ACVR1C: variants seen among roughly 807,000 people sequenced by gnomAD.
ACVR1C encodes the protein activin A receptor type 1C.
A neutral mutation model predicts 57.9 loss-of-function variants in ACVR1C; 23 were observed. The observed-to-expected ratio is 0.40, with a 90% CI of 0.29 to 0.56. The LOEUF (loss-of-function observed/expected upper bound fraction) is 0.56. Among genes scored for constraint, ACVR1C ranks in the 20% least tolerant of loss-of-function variants. ACVR1C has a pLI of 0.50. For missense variants in ACVR1C, 480 were observed against 607.9 expected (o/e 0.79, Z 2.21); for synonymous variants, 214 against 215.3 (o/e 0.99, Z 0.05).
intron 3 of ACVR1C, among the ~76,000 whole-genome samples, chr2:157,554,547 C>G (rs901331778): frequency 3.3e-5 from 5 of 152,076 alleles, no homozygotes; most frequent in African/African-American, 1.2e-4. Context: ...AAGATGCTAC[C>G]TAATGTGTAC....
At position 157,550,998 on chromosome 2, in the gene ACVR1C, A is replaced by C. The variant is rs1368380329; in HGVS notation, c.545-606T>G. On this transcript the variant is annotated intron_variant, in intron 3 of 8. Coordinates refer to ENST00000243349, the MANE Select transcript of ACVR1C (RefSeq NM_145259.3). The stretch of plus-strand genomic sequence containing the variant: ...TCCTGAATGTATGTATAACGCTTAT[A>C]TTCTTTGAACTACTAACTCCACCTC... 2.6e-5 allele frequency among the ~76,000 whole-genome samples: 4 copies of C among 152,352 alleles called. No individual in the cohort carries two copies. The South Asian group carries it at 6.2e-4, about 24-fold the overall frequency.
intron 3 of ACVR1C, among the ~76,000 whole-genome samples, chr2:157,551,964 C>T (rs1687934620): frequency 1.3e-5 from 2 of 152,160 alleles, no homozygotes; most frequent in South Asian, 4.1e-4. Context: ...CTGGTTCAAC[C>T]CTATCATTTT....
At chr2:157,628,492 TC>T in intron 1 of ACVR1C, 79 bp downstream of exon 1, 1 of 1,477,236 alleles carries the variant, frequency 6.8e-7, no homozygotes, top group Non-Finnish European at 9.3e-7. Flanking sequence ...GCACCCCCTG[TC>T]CCCCACCCCC....
chr2:157,581,103 G>A (rs549142336), intron 2 of ACVR1C, among the ~76,000 whole-genome samples: 1 of 152,120 alleles, frequency 6.6e-6, no homozygotes, highest in Admixed American at 6.5e-5. Flanking sequence ...CACCCCCCAA[G>A]AAGCTGGCAG....
At chr2:157,609,286 C>T (rs762211961) in intron 1 of ACVR1C, among the ~76,000 whole-genome samples, 17 of 151,530 alleles carry the variant, frequency 1.1e-4, no homozygotes, top group Non-Finnish European at 1.8e-4. Flanking sequence ...TCCAAATTTC[C>T]TCTTGGTATT....
intron 1 of ACVR1C, among the ~76,000 whole-genome samples, chr2:157,609,853 T>C (rs1458203903): frequency 6.6e-6 from 1 of 152,024 alleles, no homozygotes; most frequent in Non-Finnish European, 1.5e-5. Flanking sequence ...GGGTCTTTAC[T>C]GGTAAACTGC....
At chr2:157,556,807 G>A (rs1406716238) in intron 2 of ACVR1C, among the ~76,000 whole-genome samples, 1 of 151,802 alleles carries the variant, frequency 6.6e-6, no homozygotes, top group East Asian at 1.9e-4. Flanking sequence ...GAGATTACAG[G>A]TGCCCACCAC....
chr2:157,547,279 T>G (rs62176677), intron 4 of ACVR1C, among the ~76,000 whole-genome samples: 2 of 95,330 alleles, frequency 2.1e-5, no homozygotes, highest in Non-Finnish European at 4.7e-5. Context: ...AATAAACACA[T>G]GTGTGCATGT....
At chr2:157,539,050 G>A (rs1687558721) in intron 7 of ACVR1C, among the ~76,000 whole-genome samples, 1 of 150,360 alleles carries the variant, frequency 6.7e-6, no homozygotes, top group Non-Finnish European at 1.5e-5. Context: ...TTAAAATTAT[G>A]TAAATTTTTA....
At chr2:157,575,231 C>CG (rs35047968) in intron 2 of ACVR1C, among the ~76,000 whole-genome samples, 49,866 of 151,532 alleles carry the variant, frequency 0.33, 8,681 homozygotes, top group Non-Finnish European at 0.4. Context: ...CGGGTTCAAG[C>CG]GATTCTCCTG....
intron 1 of ACVR1C, among the ~76,000 whole-genome samples, chr2:157,603,452 G>A (rs1682324999): frequency 6.6e-6 from 1 of 152,104 alleles, no homozygotes; most frequent in Non-Finnish European, 1.5e-5. Context: ...ATGATCCTCT[G>A]TAGAGACTGC....
intron 2 of ACVR1C, among the ~76,000 whole-genome samples, chr2:157,566,672 C>A (rs1263986769): frequency 4.0e-5 from 6 of 151,654 alleles, no homozygotes; most frequent in African/African-American, 1.5e-4. Context: ...AAACGGCGCA[C>A]CACGAGACTA....
At chr2:157,611,806 C>A (rs1369009878) in intron 1 of ACVR1C, among the ~76,000 whole-genome samples, 1 of 152,084 alleles carries the variant, frequency 6.6e-6, no homozygotes, top group African/African-American at 2.4e-5. Context: ...GATCCAGATT[C>A]TCAGGCAGCA....
Position 157,534,047 on chromosome 2 carries a change from T to G in ACVR1C, c.1357-4A>C. ...TTCTCCCCATGACTCGGAGTGCCTT[T>G]AAGAGAGAAAAAAAAAATCAAAGAC... On this transcript the variant is annotated splice_polypyrimidine_tract_variant and splice_region_variant and intron_variant, in intron 8 of 8. Transcript: ENST00000243349. The G allele has an allele frequency of 6.5e-7, 1 of 1,536,986 alleles. No individual in the cohort carries two copies. Among genetic ancestry groups the G allele is most frequent in the South Asian group, 1.3e-5 (1 of 78,720 alleles).
intron 1 of ACVR1C, among the ~76,000 whole-genome samples, chr2:157,620,911 T>G (rs1005732738): frequency 6.6e-6 from 1 of 152,156 alleles, no homozygotes; most frequent in Admixed American, 6.5e-5. Flanking sequence ...TGCAGAGATG[T>G]AGCATCCATC....
intron 2 of ACVR1C, among the ~76,000 whole-genome samples, chr2:157,565,704 A>G (rs58902667): frequency 0.019 from 2,899 of 152,298 alleles, 105 homozygotes; most frequent in African/African-American, 0.066. Context: ...TGCTCAGTCT[A>G]TAAACGGCTA....
intron 1 of ACVR1C, among the ~76,000 whole-genome samples, chr2:157,598,012 A>G (rs1001336625): frequency 6.6e-6 from 1 of 152,210 alleles, no homozygotes; most frequent in South Asian, 2.1e-4. Flanking sequence ...CCTAATGTGT[A>G]TTATAATTTG....
intron 7 of ACVR1C, among the ~76,000 whole-genome samples, chr2:157,540,303 T>C (rs543777501): frequency 1.3e-5 from 2 of 152,340 alleles, no homozygotes; most frequent in Non-Finnish European, 1.5e-5. Flanking sequence ...GATGCAACTG[T>C]TTCATCAGAC....
At chr2:157,597,203 C>T (rs1682146100) in intron 1 of ACVR1C, among the ~76,000 whole-genome samples, 1 of 152,172 alleles carries the variant, frequency 6.6e-6, no homozygotes, top group Non-Finnish European at 1.5e-5. Context: ...CCTCCTGCTG[C>T]GACGCGGCCC....
Sources: gnomAD v4.1 joint callset for allele counts (sites outside exome capture counted in the v4.1 genomes callset) on GRCh38, gnomAD v4.1.1 for gene constraint, MANE v1.5 for transcripts, NCBI Gene and HGNC (gene_info 2026-07-23, HGNC 2026-07-21) for gene names.